Variants in CPA5 observed in about 807,000 individuals in gnomAD.
The protein encoded by CPA5 is testicular tissue protein Li 32.
Under a neutral mutation model 52.2 loss-of-function variants are expected in CPA5, and 38 were observed. That is an observed-to-expected ratio of 0.73 (90% CI 0.56 to 0.95). The LOEUF (loss-of-function observed/expected upper bound fraction) is 0.95, where lower values mean the gene tolerates loss of function less well. Among genes scored for constraint, CPA5 ranks in the 40% least tolerant of loss-of-function variants. The pLI is 0.00. For missense variants in CPA5, 519 were observed against 566.7 expected (o/e 0.92, Z 0.86); for synonymous variants, 198 against 213.7 (o/e 0.93, Z 0.64).
chr7:130,365,356 TA>T (rs1796020787), intron 10 of CPA5, among the ~76,000 whole-genome samples: 1 of 152,050 alleles, frequency 6.6e-6, no homozygotes, highest in African/African-American at 2.4e-5. Flanking sequence ...AATTACCTCT[TA>T]AAGAAAATAA....
chr7:130,363,008 G>A lies in CPA5; in HGVS notation c.747+14G>A. 6.8e-7 allele frequency: 1 copy of A among 1,480,744 alleles called. No homozygotes were observed. Among genetic ancestry groups the A allele is most frequent in the Non-Finnish European group, 9.4e-7 (1 of 1,059,054 alleles). 91.7% of individuals were successfully genotyped at this position (1,480,744 alleles called of 1,614,324 possible). On this transcript the variant is annotated intron_variant, in intron 9 of 12. Coordinates refer to ENST00000474905, the MANE Select transcript of CPA5 (RefSeq NM_080385.5). ...ACCCACAGCATGGTGAGGGAACCTG[G>A]GAAGGATGGAAGGAGGGGGTCAGCT...
At position 130,345,853 on chromosome 7, in the gene CPA5, A is replaced by G. The variant is rs1330603918; in HGVS notation, c.-137A>G. ...GCATTTTGCAGGCTTTACCAAGCCA[A>G]TTCACTCAAGTTGTCTCATCTATAC... is the stretch of plus-strand genomic sequence containing the variant. On this transcript the variant is annotated 5_prime_UTR_variant, in exon 2 of 13. Coordinates refer to ENST00000474905, the MANE Select transcript of CPA5 (RefSeq NM_080385.5). The G allele has an allele frequency of 6.6e-6, 1 of 152,240 alleles. No individual in the cohort carries two copies. The highest frequency in any genetic ancestry group is 2.1e-4 in the South Asian group (1 of 4,836). The allele number at this position is 152,240 out of a possible 1,614,324, so 9.4% of individuals were successfully genotyped here. A position where few individuals can be genotyped will look rare whatever the true frequency, so the allele number is the denominator to read the frequency against.
Position 130,347,854 on chromosome 7 carries a change from A to C in CPA5, c.198+7A>C, listed in dbSNP as rs782304205. The C allele has an allele frequency of 6.2e-7, 1 of 1,611,194 alleles. No individual in the cohort carries two copies. Among genetic ancestry groups the C allele is most frequent in the South Asian group, 1.1e-5 (1 of 90,748 alleles). ...GGGCCTGAAACCCCAGAAGGTGAGG[A>C]CTCCTCAGGCTTGAGGACAACCCCA... On this transcript the variant is annotated splice_region_variant and intron_variant, in intron 4 of 12. Coordinates refer to ENST00000474905, the MANE Select transcript of CPA5 (RefSeq NM_080385.5).
downstream of CPA5, among the ~76,000 whole-genome samples, chr7:130,370,780 C>T (rs1186588213): frequency 2.6e-5 from 4 of 152,194 alleles, no homozygotes; most frequent in Admixed American, 6.5e-5. Context: ...ATCTCCAGAC[C>T]GAATTAGAAT....
chr7:130,346,735 C>A, intron 3 of CPA5, 134 bp downstream of exon 3: 1 of 657,856 alleles, frequency 1.5e-6, no homozygotes, highest in East Asian at 2.8e-5. Flanking sequence ...CCTGAACCCA[C>A]TTCCAGCTCC....
At chr7:130,352,187 C>T (rs1795190810) in intron 5 of CPA5, among the ~76,000 whole-genome samples, 1 of 152,024 alleles carries the variant, frequency 6.6e-6, no homozygotes. Context: ...GAATCTCTCC[C>T]TCCCTCTGCC....
downstream of CPA5, among the ~76,000 whole-genome samples, chr7:130,373,122 G>A (rs1460361979): frequency 2.0e-5 from 3 of 152,108 alleles, no homozygotes; most frequent in Non-Finnish European, 4.4e-5. Context: ...AGATAATGGC[G>A]GGGGTTTAAG....
intron 3 of CPA5, among the ~76,000 whole-genome samples, 198 bp from the exon 4 acceptor site, chr7:130,347,568 G>A (rs1426913822): frequency 1.3e-5 from 2 of 152,170 alleles, no homozygotes; most frequent in Non-Finnish European, 2.9e-5. Flanking sequence ...GCTCTAGACT[G>A]AAGGACCATG....
chr7:130,361,117 A>C, intron 6 of CPA5, 26 bp from the exon 7 acceptor site: 2 of 1,479,174 alleles, frequency 1.4e-6, no homozygotes, highest in Non-Finnish European at 1.9e-6. Context: ...CTTAACTGCC[A>C]ATCTTACACA....
At position 130,368,605 on chromosome 7, in the gene CPA5, A is replaced by G. The variant is rs781813452; in HGVS notation, c.*8A>G. 30 of 1,613,630 alleles carry G rather than the reference A, an allele frequency of 1.9e-5. No individual in the cohort carries two copies. The South Asian group carries it at 2.4e-4, about 13-fold the overall frequency. ...CTGAATCACCCCTACTAGCAGCACG[A>G]CTGAGGGCAGGAGGCTCCATCCTTC... On this transcript the variant is annotated 3_prime_UTR_variant, in exon 13 of 13. Transcript: ENST00000474905.
intron 6 of CPA5, among the ~76,000 whole-genome samples, chr7:130,360,424 T>C (rs1795731893): frequency 6.6e-6 from 1 of 152,174 alleles, no homozygotes; most frequent in Non-Finnish European, 1.5e-5. Context: ...CCAGCCAGGG[T>C]AAGTGACTTG....
At chr7:130,363,582 C>A in intron 10 of CPA5, 73 bp downstream of exon 10, 1 of 1,268,472 alleles carries the variant, frequency 7.9e-7, no homozygotes, top group South Asian at 1.3e-5. Flanking sequence ...CCCACTCAGT[C>A]AGATTATGTT....
At position 130,361,182 on chromosome 7, in the gene CPA5, G is replaced by C. The variant is rs782787226; in HGVS notation, c.472G>C (p.Asp158His). 1.4e-5 allele frequency: 22 copies of C among 1,613,908 alleles called. 1 individual carries two copies. Among genetic ancestry groups the C allele is most frequent in the East Asian group, 2.2e-5 (1 of 44,878 alleles). ...WIDNFVMEHS[D>H]IVSKIQIGNS... is the part of the protein sequence containing the mutation. ...TGACAACTTTGTAATGGAGCATTCC[G>C]ATATTGTCTCAAAAATTCAGATTGG... Residue 158 changes from aspartate (D) to histidine (H), a missense_variant, in exon 7 of 13, where the codon GAT becomes CAT. Transcript: ENST00000474905.
At chr7:130,362,801 C>A in intron 8 of CPA5, 83 bp from the exon 9 acceptor site, 1 of 837,988 alleles carries the variant, frequency 1.2e-6, no homozygotes, top group Non-Finnish European at 2.0e-6. Context: ...TCCCTTCCTG[C>A]AGCCACTGGC....
Position 130,347,436 on chromosome 7 carries a change from G to T in CPA5, c.117-330G>T, listed in dbSNP as rs536490356. On this transcript the variant is annotated intron_variant, in intron 3 of 12. Transcript: ENST00000474905. ...CTTCATTCCTTTCATTTTACACATC[G>T]CCCCCCTCCCCATTCCTTTCCCTTC... 2.0e-5 allele frequency among the ~76,000 whole-genome samples: 3 copies of T among 150,608 alleles called. No homozygotes were observed. In the South Asian group the frequency reaches 6.3e-4, roughly 32 times the overall value.
intron 5 of CPA5, among the ~76,000 whole-genome samples, chr7:130,352,452 CT>C (rs1266828741): frequency 5.3e-5 from 8 of 151,834 alleles, no homozygotes; most frequent in Non-Finnish European, 1.0e-4. Flanking sequence ...ACAAGAGGCA[CT>C]GCACGCCGTG....
intron 10 of CPA5, 125 bp downstream of exon 10, chr7:130,363,634 T>G: frequency 1.3e-6 from 1 of 778,064 alleles, no homozygotes. Context: ...TCAGCTAATA[T>G]GCATGAGTCA....
intron 5 of CPA5, among the ~76,000 whole-genome samples, chr7:130,358,831 A>G (rs1554405836): frequency 6.6e-6 from 1 of 152,226 alleles, no homozygotes; most frequent in South Asian, 2.1e-4. Context: ...TGGTTAACCC[A>G]ACCAGGCATT....
chr7:130,369,969 T>C (rs551698689), downstream of CPA5, among the ~76,000 whole-genome samples: 3 of 152,314 alleles, frequency 2.0e-5, no homozygotes, highest in East Asian at 3.9e-4. Context: ...ATATCCAATA[T>C]AGTGTCTAAG....
Sources: gnomAD v4.1 joint callset for allele counts (sites outside exome capture counted in the v4.1 genomes callset) on GRCh38, gnomAD v4.1.1 for gene constraint, MANE v1.5 for transcripts, NCBI Gene and HGNC (gene_info 2026-07-23, HGNC 2026-07-21) for gene names.